GPC6: variants seen among roughly 807,000 people sequenced by gnomAD.
GPC6 encodes the protein glypican-6.
A neutral mutation model predicts 55.2 loss-of-function variants in GPC6; 14 were observed. That is an observed-to-expected ratio of 0.25 (90% confidence interval 0.17 to 0.40). GPC6 has a LOEUF of 0.40. GPC6 is among the 10% of genes least tolerant of loss of function. The pLI is 1.00. For missense variants in GPC6, 641 were observed against 708.5 expected, an observed-to-expected ratio of 0.90 and a Z score of 1.08; for synonymous variants, 278 against 259.6, an observed-to-expected ratio of 1.07 and a Z score of -0.68.
chr13:93,734,943 T>G (rs542065915), intron 2 of GPC6, among the ~76,000 whole-genome samples: 5 of 152,234 alleles, frequency 3.3e-5, no homozygotes, highest in African/African-American at 9.6e-5. Flanking sequence ...CCAATTCAAA[T>G]TACAAGGTTT....
At chr13:93,967,016 C>T (rs1240604010) in intron 3 of GPC6, among the ~76,000 whole-genome samples, 1 of 152,002 alleles carries the variant, frequency 6.6e-6, no homozygotes, top group Admixed American at 6.6e-5. Flanking sequence ...ACAGTCTCTC[C>T]CTAACCAAAA....
chr13:93,749,682 A>C (rs1429298126), intron 2 of GPC6, among the ~76,000 whole-genome samples: 1 of 152,100 alleles, frequency 6.6e-6, no homozygotes, highest in African/African-American at 2.4e-5. Context: ...TAAAAGCAAT[A>C]ATAGTAATGA....
intron 1 of GPC6, among the ~76,000 whole-genome samples, chr13:93,474,582 C>T (rs1211657578): frequency 6.6e-6 from 1 of 152,108 alleles, no homozygotes; most frequent in Non-Finnish European, 1.5e-5. Context: ...CCTTCTGGAA[C>T]CCCAGTGTGT....
At chr13:94,093,005 T>A (rs988141704) in intron 4 of GPC6, among the ~76,000 whole-genome samples, 7 of 152,168 alleles carry the variant, frequency 4.6e-5, no homozygotes, top group Non-Finnish European at 1.0e-4. Context: ...CCTTATATAT[T>A]TGGGATAGGA....
chr13:93,453,276 CCT>C (rs1878297229), intron 1 of GPC6, among the ~76,000 whole-genome samples: 1 of 152,076 alleles, frequency 6.6e-6, no homozygotes, highest in Non-Finnish European at 1.5e-5. Context: ...TCAATATGCC[CCT>C]GTGTTTAATG....
At chr13:93,960,827 T>A (rs1879737112) in intron 3 of GPC6, among the ~76,000 whole-genome samples, 1 of 150,508 alleles carries the variant, frequency 6.6e-6, no homozygotes, top group Non-Finnish European at 1.5e-5. Flanking sequence ...TTTTTTTTTT[T>A]TTTGAGACAG....
chr13:93,563,666 T>C (rs1875931514), intron 2 of GPC6, among the ~76,000 whole-genome samples: 1 of 151,718 alleles, frequency 6.6e-6, no homozygotes, highest in Non-Finnish European at 1.5e-5. Flanking sequence ...GTATAGCATT[T>C]GAAAGTAGAA....
intron 3 of GPC6, among the ~76,000 whole-genome samples, chr13:93,910,517 A>T (rs1323512053): frequency 6.6e-6 from 1 of 152,026 alleles, no homozygotes; most frequent in Non-Finnish European, 1.5e-5. Flanking sequence ...TGATTGAGAG[A>T]TAGATCCAAT....
intron 4 of GPC6, among the ~76,000 whole-genome samples, chr13:94,127,545 T>C (rs1886861739): frequency 6.6e-6 from 1 of 152,128 alleles, no homozygotes; most frequent in Non-Finnish European, 1.5e-5. Context: ...ACCTCTTTTC[T>C]TTATAAATTA....
rs371110336 is a variant in GPC6 at position 94,305,957 on chromosome 13, T to A, written c.1009-23T>A. On this transcript the variant is annotated intron_variant, in intron 5 of 8. Transcript: ENST00000377047. ...GAGAAAACTCATTGTATAGCTGTTT[T>A]TACTTTTCAATGGTTCTTCCAGGTC... is the stretch of plus-strand genomic sequence containing the variant. 1,655 of 1,612,972 alleles carry A rather than the reference T, an allele frequency of 1.0e-3. 3 individuals carry two copies. The highest frequency in any genetic ancestry group is 9.7e-4 in the Non-Finnish European group (1,147 of 1,179,016).
chr13:93,642,298 G>C (rs1015753230), intron 2 of GPC6, among the ~76,000 whole-genome samples: 3 of 151,998 alleles, frequency 2.0e-5, no homozygotes, highest in Non-Finnish European at 4.4e-5. Flanking sequence ...TCCAACTCCA[G>C]CCACGTTGCT....
chr13:93,845,266 A>G (rs1179509877), intron 3 of GPC6, among the ~76,000 whole-genome samples: 2 of 151,596 alleles, frequency 1.3e-5, no homozygotes, highest in Non-Finnish European at 2.9e-5. Context: ...AGAAATGCAA[A>G]TCAAAACCAC....
intron 1 of GPC6, among the ~76,000 whole-genome samples, chr13:93,460,708 C>T (rs1878646430): frequency 6.6e-6 from 1 of 152,022 alleles, no homozygotes; most frequent in Admixed American, 6.6e-5. Context: ...TGGCCAAAAC[C>T]ATACTTTGAG....
At chr13:94,080,491 G>A (rs557546285) in intron 4 of GPC6, among the ~76,000 whole-genome samples, 1 of 152,198 alleles carries the variant, frequency 6.6e-6, no homozygotes, top group South Asian at 2.1e-4. Context: ...AATACCAGTG[G>A]CAATAGGAAG....
Position 93,630,652 on chromosome 13 carries a change from T to C in GPC6, c.319+85231T>C, listed in dbSNP as rs370597246. On this transcript the variant is annotated intron_variant, in intron 2 of 8. Transcript: ENST00000377047. ...ACGCTTTTTGGTTTTGTCCATATAA[T>C]TAGAAAGAGTATTTTCTATAACTAG... Among the ~76,000 whole-genome samples, 67 of 152,246 alleles carry C rather than the reference T, an allele frequency of 4.4e-4. No homozygotes were observed. In the South Asian group the frequency reaches 0.013, roughly 30 times the overall value.
rs553389535 is a variant in GPC6 at position 93,950,952 on chromosome 13, C to T, written c.712-76777C>T. On this transcript the variant is annotated intron_variant, in intron 3 of 8. Transcript: ENST00000377047. The stretch of plus-strand genomic sequence containing the variant: ...AGACACTGCACTAGACATTTCCCCT[C>T]TTTAGAAGAATTTGCCCATCTTGGT... 3.3e-5 allele frequency among the ~76,000 whole-genome samples: 5 copies of T among 152,258 alleles called. No individual in the cohort carries two copies. The East Asian group carries it at 7.7e-4, about 24-fold the overall frequency.
intron 2 of GPC6, among the ~76,000 whole-genome samples, chr13:93,654,292 C>T (rs913237300): frequency 1.3e-5 from 2 of 151,902 alleles, no homozygotes; most frequent in African/African-American, 2.4e-5. Flanking sequence ...CTCACTCTGT[C>T]GCCCAGGCTG....
At chr13:93,709,200 C>T (rs937134320) in intron 2 of GPC6, among the ~76,000 whole-genome samples, 1 of 151,714 alleles carries the variant, frequency 6.6e-6, no homozygotes, top group Non-Finnish European at 1.5e-5. Context: ...ATCAATCTAG[C>T]CTGCCTTTCT....
intron 4 of GPC6, among the ~76,000 whole-genome samples, chr13:94,144,171 G>C (rs1419423807): frequency 6.6e-6 from 1 of 152,040 alleles, no homozygotes; most frequent in Non-Finnish European, 1.5e-5. Context: ...AAAAGACTGA[G>C]AGTCACCCAG....
Sources: gnomAD v4.1 joint callset for allele counts (sites outside exome capture counted in the v4.1 genomes callset) on GRCh38, gnomAD v4.1.1 for gene constraint, MANE v1.5 for transcripts, NCBI Gene and HGNC (gene_info 2026-07-23, HGNC 2026-07-21) for gene names.